Variants in DYTN observed in about 807,000 individuals in gnomAD.
The protein encoded by DYTN is dystrotelin.
A neutral mutation model predicts 69.6 loss-of-function variants in DYTN; 75 were observed. The ratio of observed to expected loss-of-function variants is 1.08; its 90% confidence interval spans 0.89 to 1.31. The LOEUF is 1.31. DYTN is among the 50% of genes most tolerant of loss of function. The probability of loss-of-function intolerance (pLI) is 0.00; values close to 1 mark genes in which losing one functional copy is unlikely to be tolerated. For missense variants in DYTN, 726 were observed against 688.4 expected, an observed-to-expected ratio of 1.05 and a Z score of -0.61; for synonymous variants, 252 against 249.1, an observed-to-expected ratio of 1.01 and a Z score of -0.11.
At chr2:206,687,593 T>A (rs1699825221) in intron 9 of DYTN, among the ~76,000 whole-genome samples, 1 of 152,200 alleles carries the variant, frequency 6.6e-6, no homozygotes, top group South Asian at 2.1e-4. Flanking sequence ...TTTGTTTTTC[T>A]TTCTTCCTTA....
At chr2:206,698,999 C>A (rs1029616548) in intron 7 of DYTN, among the ~76,000 whole-genome samples, 1 of 152,182 alleles carries the variant, frequency 6.6e-6, no homozygotes, top group Non-Finnish European at 1.5e-5. Context: ...GAATACAACC[C>A]TTTGTATAGG....
At position 206,698,328 on chromosome 2, in the gene DYTN, C is replaced by T. The variant is rs377366534; in HGVS notation, c.719+1399G>A. Among the ~76,000 whole-genome samples the T allele has an allele frequency of 1.5e-4, 23 of 152,172 alleles. No homozygotes were observed. In the East Asian group the frequency reaches 4.2e-3, roughly 28 times the overall value. ...TTCATTTTCTCAGCAAAATTAAAAC[C>T]GGATCTCCAGTTTTTCGGTGTACCA... On this transcript the variant is annotated intron_variant, in intron 7 of 11. Coordinates refer to ENST00000452335, the MANE Select transcript of DYTN (RefSeq NM_001093730.1).
In DYTN at chr2:206,693,333, G is replaced by A. The variant is rs1209673596; in HGVS notation, c.832-10C>T. The A allele has an allele frequency of 3.1e-6, 5 of 1,609,348 alleles. No individual in the cohort carries two copies. Among genetic ancestry groups the A allele is most frequent in the African/African-American group, 2.7e-5 (2 of 74,864 alleles). ...TCTGCATTGCTGACATCTGCTGAAA[G>A]GGCCAACATTTTTAAAAAGCGTCAG... On this transcript the variant is annotated splice_polypyrimidine_tract_variant and intron_variant, in intron 8 of 11. Transcript: ENST00000452335.
At chr2:206,700,651 T>G (rs1404796941) in intron 5 of DYTN, among the ~76,000 whole-genome samples, 1 of 152,158 alleles carries the variant, frequency 6.6e-6, no homozygotes, top group African/African-American at 2.4e-5. Flanking sequence ...ACGTGCAGGT[T>G]TGTTACATAG....
At chr2:206,690,662 GT>G (rs1699854359) in intron 9 of DYTN, among the ~76,000 whole-genome samples, 1 of 152,232 alleles carries the variant, frequency 6.6e-6, no homozygotes, top group South Asian at 2.1e-4. Context: ...GGATTGAATT[GT>G]TTGTATGACT....
chr2:206,681,543 G>A (rs182511175), intron 9 of DYTN, among the ~76,000 whole-genome samples: 7 of 152,180 alleles, frequency 4.6e-5, no homozygotes, highest in East Asian at 1.9e-4. Context: ...TTTGAGATAC[G>A]TTCCATCAAT....
At chr2:206,716,608 T>C (rs1191052824) in intron 1 of DYTN, among the ~76,000 whole-genome samples, 1 of 152,022 alleles carries the variant, frequency 6.6e-6, no homozygotes, top group South Asian at 2.1e-4. Context: ...AAGATGCCAA[T>C]GTTAGAGAAT....
At chr2:206,671,459 C>A (rs371659498) in intron 9 of DYTN, among the ~76,000 whole-genome samples, 1 of 152,198 alleles carries the variant, frequency 6.6e-6, no homozygotes, top group East Asian at 1.9e-4. Context: ...TAAACAGCTT[C>A]CACGTGCATA....
chr2:206,710,659 A>G, intron 1 of DYTN, 61 bp from the exon 2 acceptor site: 6 of 1,297,016 alleles, frequency 4.6e-6, no homozygotes, highest in South Asian at 1.4e-5. Flanking sequence ...ATCCCACATC[A>G]TGGAAGGAAA....
Position 206,689,850 on chromosome 2 carries a change from C to T in DYTN, c.980+3325G>A, listed in dbSNP as rs147625338. Among the ~76,000 whole-genome samples the T allele has an allele frequency of 2.0e-4, 31 of 152,232 alleles. No individual in the cohort carries two copies. The East Asian group carries it at 5.0e-3, about 25-fold the overall frequency. ...TCCATCCATCAATCCCTCCATCATG[C>T]GCTATACATTTTATTATTCATTCAT... On this transcript the variant is annotated intron_variant, in intron 9 of 11. Transcript: ENST00000452335.
intron 9 of DYTN, among the ~76,000 whole-genome samples, chr2:206,668,639 G>A (rs34799955): frequency 0.12 from 18,348 of 152,104 alleles, 1,164 homozygotes; most frequent in Non-Finnish European, 0.14. Flanking sequence ...ATGAAAACAC[G>A]AATACTCCCT....
chr2:206,704,727 C>A lies in DYTN; in HGVS notation c.483+116G>T, dbSNP rs1700008052. On this transcript the variant is annotated intron_variant, in intron 5 of 11. Transcript: ENST00000452335. ...ACAGCAATGGCTATGGAGGAGAGAGCTTGCATGGAGTTATATATAAAGATA... is the reference window on the plus strand; with the variant it reads ...ACAGCAATGGCTATGGAGGAGAGAGATTGCATGGAGTTATATATAAAGATA... 4.8e-6 allele frequency: 4 copies of A among 838,610 alleles called. No individual in the cohort carries two copies. In the Admixed American group the frequency reaches 9.8e-5, roughly 21 times the overall value. The allele number at this position is 838,610 out of a possible 1,614,324, so 51.9% of individuals were successfully genotyped here.
At chr2:206,711,249 A>G (rs1038663738) in intron 1 of DYTN, among the ~76,000 whole-genome samples, 1 of 152,224 alleles carries the variant, frequency 6.6e-6, no homozygotes, top group African/African-American at 2.4e-5. Context: ...TTATAATCAG[A>G]AAAAGAATTA....
chr2:206,713,151 T>C (rs1414916376), intron 1 of DYTN, among the ~76,000 whole-genome samples: 1 of 152,260 alleles, frequency 6.6e-6, no homozygotes, highest in East Asian at 1.9e-4. Flanking sequence ...TTATTTATCA[T>C]GCACAGCATG....
intron 5 of DYTN, among the ~76,000 whole-genome samples, chr2:206,704,194 G>A (rs1036447441): frequency 7.9e-5 from 12 of 152,178 alleles, no homozygotes; most frequent in African/African-American, 2.9e-4. Flanking sequence ...GTCCAGTGGG[G>A]AAGCATCATC....
chr2:206,654,911 A>G (rs1208609582), intron 11 of DYTN, among the ~76,000 whole-genome samples: 3 of 152,196 alleles, frequency 2.0e-5, no homozygotes, highest in Non-Finnish European at 1.5e-5. Flanking sequence ...AGATCATGGC[A>G]TATGCAAATA....
rs919668389 is a variant in DYTN at position 206,672,942 on chromosome 2, G to A, written c.981-6913C>T. On this transcript the variant is annotated intron_variant, in intron 9 of 11. Coordinates refer to ENST00000452335, the MANE Select transcript of DYTN (RefSeq NM_001093730.1). ...TTTTTTAAAAAAACTTGCATTTTGAGTTCAGGGGTACATGTGCAGGATGCA... is the reference window on the plus strand; with the variant it reads ...TTTTTTAAAAAAACTTGCATTTTGAATTCAGGGGTACATGTGCAGGATGCA... Among the ~76,000 whole-genome samples the A allele has an allele frequency of 3.3e-5, 5 of 152,202 alleles. No individual in the cohort carries two copies. In the South Asian group the frequency reaches 8.3e-4, roughly 25 times the overall value.
intron 9 of DYTN, among the ~76,000 whole-genome samples, chr2:206,692,928 A>T (rs1699880070): frequency 6.6e-6 from 1 of 152,074 alleles, no homozygotes; most frequent in African/African-American, 2.4e-5. Flanking sequence ...TGTCTTTCTG[A>T]TGGTTTCATT....
chr2:206,660,991 TA>T (rs1699505465), intron 11 of DYTN, among the ~76,000 whole-genome samples: 1 of 152,100 alleles, frequency 6.6e-6, no homozygotes. Context: ...ACAGGGTCTT[TA>T]AAGAGATAAT....
Sources: allele counts gnomAD v4.1 joint callset (sites outside exome capture counted in the v4.1 genomes callset), GRCh38; gene constraint gnomAD v4.1.1; transcripts MANE v1.5; gene names NCBI Gene and HGNC (gene_info 2026-07-23, HGNC 2026-07-21).